WWP1: variants seen among roughly 807,000 people sequenced by gnomAD.
WWP1 encodes WW domain containing E3 ubiquitin protein ligase 1.
In WWP1, 49 loss-of-function variants were observed where a neutral mutation model predicts 130.6. The ratio of observed to expected loss-of-function variants is 0.38; its 90% CI spans 0.30 to 0.48. The LOEUF (loss-of-function observed/expected upper bound fraction) is 0.48, where lower values mean the gene tolerates loss of function less well. WWP1 is among the 20% of genes least tolerant of loss of function. The pLI, the probability that WWP1 is intolerant of heterozygous loss-of-function variation, is 0.99. For synonymous variants in WWP1, 332 were observed against 367.8 expected, an observed-to-expected ratio of 0.90 and a Z score of 1.11; for missense variants, 809 against 1,100.6, an observed-to-expected ratio of 0.74 and a Z score of 3.75.
At chr8:86,400,810 T>TAG (rs1425169425) in intron 7 of WWP1, among the ~76,000 whole-genome samples, 1 of 152,138 alleles carries the variant, frequency 6.6e-6, no homozygotes, top group African/African-American at 2.4e-5. Context: ...AGAAATAGGT[T>TAG]AGAGAGAAGA....
At position 86,414,039 on chromosome 8, in the gene WWP1, T is replaced by C. The variant is rs532316936; in HGVS notation, c.1061+2165T>C. ...TCAGCAGACTTGTTGTCACCACTTA[T>C]GATCTTTGTATTAGAATTTTGCAGT... On this transcript the variant is annotated intron_variant, in intron 9 of 24. Coordinates refer to ENST00000517970, the MANE Select transcript of WWP1 (RefSeq NM_007013.4). Among the ~76,000 whole-genome samples the C allele has an allele frequency of 7.5e-4, 115 of 152,354 alleles. 2 individuals carry two copies. The highest frequency in any genetic ancestry group is 2.2e-3 in the African/African-American group (90 of 41,590).
At chr8:86,388,776 T>C (rs1160646391) in intron 5 of WWP1, among the ~76,000 whole-genome samples, 1 of 152,178 alleles carries the variant, frequency 6.6e-6, no homozygotes, top group Non-Finnish European at 1.5e-5. Context: ...ATAATTCTTA[T>C]TTTATTTGCC....
chr8:86,369,907 A>T (rs1458348690), intron 2 of WWP1, among the ~76,000 whole-genome samples: 2 of 148,686 alleles, frequency 1.3e-5, no homozygotes, highest in East Asian at 2.0e-4. Context: ...TCTTTAAATT[A>T]AAAAAAAAAC....
At chr8:86,407,605 T>C (rs905721206) in intron 8 of WWP1, among the ~76,000 whole-genome samples, 2 of 152,202 alleles carry the variant, frequency 1.3e-5, no homozygotes, top group Non-Finnish European at 2.9e-5. Context: ...TTGATATATA[T>C]GAACAGTAAT....
Position 86,403,585 on chromosome 8 carries a change from G to A in WWP1, c.724+1382G>A, listed in dbSNP as rs544953750. ...GCTGGGATTACAGGCGTGAGCCACCGTGCCTGGACAGTAATAAGTCTTAAT... is the reference window on the plus strand; with the variant it reads ...GCTGGGATTACAGGCGTGAGCCACCATGCCTGGACAGTAATAAGTCTTAAT... On this transcript the variant is annotated intron_variant, in intron 8 of 24. Coordinates refer to ENST00000517970, the MANE Select transcript of WWP1 (RefSeq NM_007013.4). Among the ~76,000 whole-genome samples, 20 of 152,208 alleles carry A rather than the reference G, an allele frequency of 1.3e-4. No homozygotes were observed. In the East Asian group the frequency reaches 2.9e-3, roughly 22 times the overall value.
At chr8:86,421,903 A>C (rs12155981) in intron 9 of WWP1, among the ~76,000 whole-genome samples, 22,368 of 152,102 alleles carry the variant, frequency 0.15, 1,801 homozygotes, top group Non-Finnish European at 0.19. Flanking sequence ...CCTCTCTCAA[A>C]ATTTTGCAGA....
At chr8:86,367,237 G>A (rs1824023578) in intron 1 of WWP1, among the ~76,000 whole-genome samples, 1 of 152,100 alleles carries the variant, frequency 6.6e-6, no homozygotes, top group South Asian at 2.1e-4. Context: ...CTGTATCCTT[G>A]CCATACCCAC....
chr8:86,342,925 C>T lies in WWP1; in HGVS notation c.-120C>T. 1 of 314,208 alleles carries T rather than the reference C, an allele frequency of 3.2e-6. No homozygotes were observed. Among genetic ancestry groups the T allele is most frequent in the South Asian group, 1.4e-4 (1 of 6,928 alleles). The allele number at this position is 314,208 out of a possible 1,614,324, so 19.5% of individuals were successfully genotyped here. A position where few individuals can be genotyped will look rare whatever the true frequency, so the allele number is the denominator to read the frequency against. Reference sequence around the variant, plus strand: ...CGGCTGCCGGGAGCCGACAGCTTCGCGCCGGGTAAGGACGGCGCGGCGCGG... The same window carrying T: ...CGGCTGCCGGGAGCCGACAGCTTCGTGCCGGGTAAGGACGGCGCGGCGCGG... On this transcript the variant is annotated 5_prime_UTR_variant, in exon 1 of 25. Coordinates refer to ENST00000517970, the MANE Select transcript of WWP1 (RefSeq NM_007013.4).
intron 8 of WWP1, among the ~76,000 whole-genome samples, chr8:86,403,837 GAGA>G (rs1219209396): frequency 6.6e-6 from 1 of 151,914 alleles, no homozygotes; most frequent in Non-Finnish European, 1.5e-5. Flanking sequence ...AGAAAACAAA[GAGA>G]AGAATAGATA....
At chr8:86,461,465 C>G (rs1354059430) in intron 23 of WWP1, 145 bp downstream of exon 23, 1 of 720,738 alleles carries the variant, frequency 1.4e-6, no homozygotes, top group Non-Finnish European at 2.3e-6. Flanking sequence ...AAATGAGTGG[C>G]TAATATCAAA....
At chr8:86,423,341 C>T (rs1336780146) in intron 9 of WWP1, among the ~76,000 whole-genome samples, 1 of 151,908 alleles carries the variant, frequency 6.6e-6, no homozygotes, top group Non-Finnish European at 1.5e-5. Context: ...GAACAAAGGT[C>T]TCTGGTTTTC....
intron 18 of WWP1, among the ~76,000 whole-genome samples, 165 bp downstream of exon 18, chr8:86,442,943 A>G (rs1255399610): frequency 2.0e-5 from 3 of 152,154 alleles, no homozygotes; most frequent in Admixed American, 1.3e-4. Flanking sequence ...GAGTACCTGT[A>G]TAAAATCAAG....
intron 3 of WWP1, among the ~76,000 whole-genome samples, chr8:86,377,801 A>T (rs1824756786): frequency 6.6e-6 from 1 of 152,220 alleles, no homozygotes; most frequent in Non-Finnish European, 1.5e-5. Flanking sequence ...GATTGAAGAA[A>T]AAATGGGCTG....
At chr8:86,390,695 A>G (rs1807270316) in intron 5 of WWP1, among the ~76,000 whole-genome samples, 2 of 143,762 alleles carry the variant, frequency 1.4e-5, no homozygotes, top group Non-Finnish European at 3.0e-5. Flanking sequence ...AAAGTGGGAG[A>G]CGAGAGGGAG....
chr8:86,355,368 A>C (rs577611244), intron 1 of WWP1, among the ~76,000 whole-genome samples: 12 of 152,300 alleles, frequency 7.9e-5, no homozygotes, highest in Admixed American at 1.3e-4. Context: ...TCTCATCCTC[A>C]GCTCAGCTCC....
intron 3 of WWP1, among the ~76,000 whole-genome samples, chr8:86,380,428 CTG>C (rs1353155657): frequency 6.6e-6 from 1 of 152,052 alleles, no homozygotes; most frequent in African/African-American, 2.4e-5. Context: ...GGTAACAAAA[CTG>C]TTTTAAAATT....
chr8:86,391,857 A>G (rs766240464), intron 5 of WWP1, among the ~76,000 whole-genome samples: 11 of 152,098 alleles, frequency 7.2e-5, no homozygotes, highest in Non-Finnish European at 1.3e-4. Flanking sequence ...ATCCTTCCCA[A>G]TGATTGCATT....
Position 86,398,423 on chromosome 8 carries a change from T to C in WWP1, c.416T>C (p.Leu139Pro). 1 of 1,612,896 alleles carries C rather than the reference T, an allele frequency of 6.2e-7. No homozygotes were observed. Among genetic ancestry groups the C allele is most frequent in the Non-Finnish European group, 8.5e-7 (1 of 1,179,300 alleles). Residue 139 changes from leucine to proline, a missense_variant, in exon 6 of 25, where the codon CTT (leucine) becomes CCT (proline). By Grantham distance (98) the Leu-to-Pro change is moderately conservative (BLOSUM62 -3). Around this residue, in one of 3 missense-constraint regions of WWP1, gnomAD observed 262 missense variants for 346.0 expected, o/e 0.76. Coordinates refer to ENST00000517970, the MANE Select transcript of WWP1 (RefSeq NM_007013.4). ...CAAACTGGTGAATTGACAGTTGTGC[T>C]TGATGGATTGGTGATTGAGCAAGAA... ...IAQTGELTVVLDGLVIEQENI... is the reference protein window; with the variant it reads ...IAQTGELTVVPDGLVIEQENI...
At chr8:86,412,985 T>G (rs376899914) in intron 9 of WWP1, among the ~76,000 whole-genome samples, 6 of 152,258 alleles carry the variant, frequency 3.9e-5, no homozygotes, top group African/African-American at 1.4e-4. Flanking sequence ...CCCGCCACTA[T>G]GCCCAGCTAA....
Sources: gnomAD v4.1 joint callset for allele counts (sites outside exome capture counted in the v4.1 genomes callset) on GRCh38, gnomAD v4.1.1 for gene constraint, gnomAD v4.1.1 regional missense constraint, MANE v1.5 for transcripts, NCBI Gene and HGNC (gene_info 2026-07-23, HGNC 2026-07-21) for gene names.